BFSP2: variants seen among roughly 807,000 people sequenced by gnomAD.
BFSP2 encodes beaded filament structural protein 2.
BFSP2 carries 38 observed loss-of-function variants against 44.9 expected under a neutral mutation model. That is an observed-to-expected ratio of 0.85 (90% CI 0.65 to 1.11). The LOEUF is 1.11. BFSP2 is among the 50% of genes least tolerant of loss of function. The probability of loss-of-function intolerance (pLI) is 0.00; values close to 1 mark genes in which losing one functional copy is unlikely to be tolerated. For synonymous variants in BFSP2, 197 were observed against 209.9 expected (o/e 0.94, Z 0.53); for missense variants, 525 against 533.0 (o/e 0.99, Z 0.15).
chr3:133,421,349 G>A (rs2073590587), intron 1 of BFSP2, among the ~76,000 whole-genome samples: 1 of 152,236 alleles, frequency 6.6e-6, no homozygotes, highest in Admixed American at 6.5e-5. Flanking sequence ...GATGTTAGCA[G>A]GGGCAGCTCC....
Position 133,400,423 on chromosome 3 carries a change from T to C in BFSP2, c.340T>C (p.Cys114Arg). The C allele has an allele frequency of 1.2e-6, 2 of 1,614,082 alleles. No individual in the cohort carries two copies. Among genetic ancestry groups the C allele is most frequent in the Non-Finnish European group, 1.7e-6 (2 of 1,180,038 alleles). ...TGGTGCTGTTGAGGACCTAGGGGGC[T>C]GCCTGGTGGAATATATGGCCAAAGT... Reference protein sequence around the residue: ...DHGAVEDLGGCLVEYMAKVHA... With the variant: ...DHGAVEDLGGRLVEYMAKVHA... Residue 114 changes from cysteine to arginine, a missense_variant, in exon 1 of 7, where the codon TGC becomes CGC. By Grantham distance (180) the Cys-to-Arg change is radical. Coordinates refer to ENST00000302334, the MANE Select transcript of BFSP2 (RefSeq NM_003571.4). This position sits in a 1 kb window ranked among gnomAD's most constrained non-coding sequence, Gnocchi z 4.0.
chr3:133,421,936 G>A (rs917697640), intron 1 of BFSP2, among the ~76,000 whole-genome samples: 20 of 151,908 alleles, frequency 1.3e-4, no homozygotes, highest in African/African-American at 3.4e-4. Flanking sequence ...GTGAAAACCC[G>A]CCTCTACTAA....
intron 1 of BFSP2, among the ~76,000 whole-genome samples, chr3:133,414,491 T>C (rs1233458077): frequency 6.1e-3 from 100 of 16,378 alleles, no homozygotes; most frequent in Admixed American, 0.01. Flanking sequence ...TCACCCCTGC[T>C]CTCTCCCCTC....
intron 4 of BFSP2, among the ~76,000 whole-genome samples, chr3:133,458,283 G>A (rs752270639): frequency 1.9e-4 from 29 of 152,274 alleles, no homozygotes; most frequent in Non-Finnish European, 3.4e-4. Flanking sequence ...CAGTTGGTGC[G>A]GCTGCAAAGA....
At chr3:133,428,097 G>A (rs1352680731) in intron 1 of BFSP2, among the ~76,000 whole-genome samples, 1 of 152,118 alleles carries the variant, frequency 6.6e-6, no homozygotes, top group African/African-American at 2.4e-5. Context: ...GTCCACTCTC[G>A]ACAGACTAAA....
At chr3:133,467,364 A>G (rs748987222) in intron 5 of BFSP2, among the ~76,000 whole-genome samples, 2 of 152,210 alleles carry the variant, frequency 1.3e-5, no homozygotes, top group Non-Finnish European at 2.9e-5. Context: ...TTGCTTCAAC[A>G]TGGAGCTAGC....
At chr3:133,412,623 C>T (rs2073466977) in intron 1 of BFSP2, 1 of 152,348 alleles carries the variant, frequency 6.6e-6, no homozygotes, top group Admixed American at 6.5e-5. Flanking sequence ...ATGGCGTCCT[C>T]AGGGCAGTCT....
intron 1 of BFSP2, among the ~76,000 whole-genome samples, chr3:133,431,795 A>T (rs909179566): frequency 6.6e-6 from 1 of 152,112 alleles, no homozygotes; most frequent in Non-Finnish European, 1.5e-5. Context: ...TAAACCTCTT[A>T]AAACTCCCCA....
At chr3:133,472,883 T>C (rs2074178996) in intron 6 of BFSP2, among the ~76,000 whole-genome samples, 2 of 152,026 alleles carry the variant, frequency 1.3e-5, no homozygotes, top group South Asian at 2.1e-4. Flanking sequence ...TTGCTTGTAA[T>C]AGAACCTAAT....
At chr3:133,431,695 A>G (rs1457190355) in intron 1 of BFSP2, among the ~76,000 whole-genome samples, 1 of 151,986 alleles carries the variant, frequency 6.6e-6, no homozygotes, top group African/African-American at 2.4e-5. Context: ...CTTCTTATCA[A>G]TACGAGGCTA....
At chr3:133,416,253 CT>C (rs554712750) in intron 1 of BFSP2, among the ~76,000 whole-genome samples, 3 of 145,368 alleles carry the variant, frequency 2.1e-5, no homozygotes, top group Non-Finnish European at 3.0e-5. Flanking sequence ...GCCCTCTCCC[CT>C]GTCCTCTCTC....
intron 1 of BFSP2, among the ~76,000 whole-genome samples, chr3:133,431,164 T>G (rs2073713198): frequency 6.6e-6 from 1 of 152,162 alleles, no homozygotes; most frequent in South Asian, 2.1e-4. Context: ...ATACATTTTA[T>G]TACCCAATCT....
chr3:133,426,812 A>T (rs1342899749), intron 1 of BFSP2, among the ~76,000 whole-genome samples: 1 of 152,228 alleles, frequency 6.6e-6, no homozygotes, highest in Non-Finnish European at 1.5e-5. Context: ...CTCTGCCCTG[A>T]CACCCTACGT....
intron 1 of BFSP2, among the ~76,000 whole-genome samples, chr3:133,432,226 C>T (rs2073729575): frequency 6.6e-6 from 1 of 152,242 alleles, no homozygotes; most frequent in Non-Finnish European, 1.5e-5. Flanking sequence ...TGTCCAAAAA[C>T]CGCACAAGTC....
At chr3:133,414,111 C>T (rs1378155990) in intron 1 of BFSP2, among the ~76,000 whole-genome samples, 1 of 115,812 alleles carries the variant, frequency 8.6e-6, no homozygotes, top group Non-Finnish European at 1.8e-5. Context: ...CCCATCCTCT[C>T]CCCTCTACTC....
chr3:133,456,122 G>A (rs2074010779), intron 4 of BFSP2, among the ~76,000 whole-genome samples: 1 of 152,154 alleles, frequency 6.6e-6, no homozygotes, highest in African/African-American at 2.4e-5. Context: ...AGTCCCCAGG[G>A]TCAGGAACAA....
At chr3:133,438,152 T>C (rs917486624) in intron 1 of BFSP2, among the ~76,000 whole-genome samples, 3 of 152,230 alleles carry the variant, frequency 2.0e-5, no homozygotes, top group Admixed American at 2.0e-4. Context: ...TAAATATTCA[T>C]TTGTCAGCTA....
chr3:133,416,284 C>G (rs1423267358), intron 1 of BFSP2, among the ~76,000 whole-genome samples: 6 of 145,146 alleles, frequency 4.1e-5, no homozygotes, highest in Non-Finnish European at 9.1e-5. Context: ...CCCCTGTCCT[C>G]TGCCCTCTAC....
At chr3:133,407,176 G>A (rs538012636) in intron 1 of BFSP2, among the ~76,000 whole-genome samples, 51 of 152,286 alleles carry the variant, frequency 3.3e-4, no homozygotes, top group African/African-American at 1.2e-3. Context: ...GAGCCCAGGA[G>A]TTCAAGACCA....
Sources: allele counts gnomAD v4.1 joint callset (sites outside exome capture counted in the v4.1 genomes callset), GRCh38; gene constraint gnomAD v4.1.1; non-coding constraint Gnocchi (gnomAD v3.1); transcripts MANE v1.5; gene names NCBI Gene and HGNC (gene_info 2026-07-23, HGNC 2026-07-21).